Variants in RORA observed in about 807,000 individuals in gnomAD.
RORA encodes the protein nuclear receptor ROR-alpha.
A neutral mutation model predicts 69.5 loss-of-function variants in RORA; 7 were observed. The observed-to-expected ratio is 0.10, with a 90% CI of 0.06 to 0.19. The LOEUF is 0.19. Ranked by LOEUF, RORA falls within the 10% of genes least tolerant of loss-of-function variation. The pLI is 1.00. For synonymous variants in RORA, 261 were observed against 240.8 expected, an observed-to-expected ratio of 1.08 and a Z score of -0.78; for missense variants, 457 against 663.0, an observed-to-expected ratio of 0.69 and a Z score of 3.41.
chr15:60,853,315 G>A (rs947611296), intron 1 of RORA, among the ~76,000 whole-genome samples: 1 of 152,160 alleles, frequency 6.6e-6, no homozygotes, highest in Non-Finnish European at 1.5e-5. Context: ...CTTTCATAAG[G>A]TCTCAAAATG....
At chr15:60,727,622 C>T (rs1181058103) in intron 1 of RORA, among the ~76,000 whole-genome samples, 1 of 152,106 alleles carries the variant, frequency 6.6e-6, no homozygotes, top group Non-Finnish European at 1.5e-5. Context: ...GGAGGCAAAG[C>T]AACTGGGACC....
At chr15:60,887,246 A>G (rs900861233) in intron 1 of RORA, among the ~76,000 whole-genome samples, 2 of 152,216 alleles carry the variant, frequency 1.3e-5, no homozygotes, top group East Asian at 3.8e-4. Context: ...GATGTAAAGC[A>G]TATGAGATTT....
intron 1 of RORA, among the ~76,000 whole-genome samples, chr15:60,853,722 T>C (rs2073349900): frequency 6.6e-6 from 1 of 152,138 alleles, no homozygotes; most frequent in Non-Finnish European, 1.5e-5. Context: ...ACTAACTAAT[T>C]TGTTGAATTT....
At chr15:60,568,764 CTGT>C (rs1158133783) in intron 2 of RORA, among the ~76,000 whole-genome samples, 5 of 152,162 alleles carry the variant, frequency 3.3e-5, no homozygotes, top group Non-Finnish European at 7.3e-5. Flanking sequence ...AATCTAAGCA[CTGT>C]TGTTGTATTA....
At chr15:61,074,101 T>C (rs924736517) in intron 1 of RORA, among the ~76,000 whole-genome samples, 5 of 152,192 alleles carry the variant, frequency 3.3e-5, no homozygotes, top group African/African-American at 1.2e-4. Context: ...CAGGGTGTGC[T>C]TGCTATTATC....
intron 1 of RORA, among the ~76,000 whole-genome samples, chr15:60,944,694 CAAA>C (rs58523588): frequency 3.8e-4 from 37 of 96,394 alleles, no homozygotes; most frequent in African/African-American, 9.5e-4. Flanking sequence ...CACTGTACTC[CAAA>C]AAAAAAAAAA....
intron 1 of RORA, among the ~76,000 whole-genome samples, chr15:61,014,805 G>T (rs891744995): frequency 5.3e-5 from 8 of 152,144 alleles, no homozygotes; most frequent in African/African-American, 1.4e-4. Context: ...ACAAATGGGT[G>T]GTCAAAATTA....
intron 1 of RORA, among the ~76,000 whole-genome samples, chr15:61,205,243 A>G (rs1469619852): frequency 6.6e-6 from 1 of 152,216 alleles, no homozygotes; most frequent in Non-Finnish European, 1.5e-5. Flanking sequence ...GCCAATGCCA[A>G]CTTCAGCAAC....
chr15:60,944,138 G>A (rs1226461233), intron 1 of RORA, among the ~76,000 whole-genome samples: 1 of 152,060 alleles, frequency 6.6e-6, no homozygotes, highest in East Asian at 1.9e-4. Flanking sequence ...CCGAAGAACA[G>A]TAACATGCAC....
intron 1 of RORA, among the ~76,000 whole-genome samples, chr15:61,106,406 T>A (rs1190877204): frequency 6.6e-6 from 1 of 152,236 alleles, no homozygotes; most frequent in Admixed American, 6.5e-5. Flanking sequence ...ATTCATTTAA[T>A]AACCATCCGT....
At chr15:60,597,512 T>TATAC (rs1355898825) in intron 2 of RORA, among the ~76,000 whole-genome samples, 14 of 43,226 alleles carry the variant, frequency 3.2e-4, no homozygotes, top group African/African-American at 8.6e-4. Flanking sequence ...GTACAGGAGA[T>TATAC]ACACACACAC....
At chr15:60,730,281 G>T (rs1180253595) in intron 1 of RORA, among the ~76,000 whole-genome samples, 1 of 152,176 alleles carries the variant, frequency 6.6e-6, no homozygotes, top group Non-Finnish European at 1.5e-5. Context: ...GGATGTGACT[G>T]TTAGCAGCTG....
Position 60,531,305 on chromosome 15 carries a change from T to C in RORA, c.282+461A>G, listed in dbSNP as rs1460863777. The C allele has an allele frequency of 6.2e-6, 1 of 162,086 alleles. No homozygotes were observed. The highest frequency in any genetic ancestry group is 2.4e-5 in the African/African-American group (1 of 41,542). The allele number at this position is 162,086 out of a possible 1,614,324, so 10.0% of individuals were successfully genotyped here. ...TATGGACAAGTGGAGGCAATAGGAC[T>C]GGAACTCAGGTCTTCCTGATAGCTT... On this transcript the variant is annotated intron_variant, in intron 3 of 10. Coordinates refer to ENST00000335670, the MANE Select transcript of RORA (RefSeq NM_134261.3). This position sits in a 1 kb window ranked among gnomAD's most constrained non-coding sequence, Gnocchi z 4.8.
chr15:61,167,235 A>AC (rs1555416472), intron 1 of RORA, among the ~76,000 whole-genome samples: 1 of 151,538 alleles, frequency 6.6e-6, no homozygotes, highest in Non-Finnish European at 1.5e-5. Flanking sequence ...ACTTTAAAAG[A>AC]TTTTTTTTTC....
intron 2 of RORA, among the ~76,000 whole-genome samples, chr15:60,613,738 G>C (rs2069154595): frequency 7.3e-6 from 1 of 136,564 alleles, no homozygotes. Context: ...GTGTGTGTGT[G>C]TGTTAGGATT....
intron 1 of RORA, among the ~76,000 whole-genome samples, chr15:60,692,781 G>T (rs1171302530): frequency 6.6e-6 from 1 of 152,106 alleles, no homozygotes; most frequent in Non-Finnish European, 1.5e-5. Context: ...ACTTTAAAAA[G>T]AGGTTCAATC....
intron 1 of RORA, among the ~76,000 whole-genome samples, chr15:61,011,429 T>C (rs1259421021): frequency 6.6e-6 from 1 of 152,208 alleles, no homozygotes; most frequent in African/African-American, 2.4e-5. Flanking sequence ...AGTTTTGCTT[T>C]TGTTGTTTGA....
chr15:60,724,531 G>T (rs1026797040), intron 1 of RORA, among the ~76,000 whole-genome samples: 1 of 152,152 alleles, frequency 6.6e-6, no homozygotes, highest in African/African-American at 2.4e-5. Flanking sequence ...GAAGCCCATT[G>T]CTTCCTGCTC....
intron 1 of RORA, among the ~76,000 whole-genome samples, chr15:60,755,029 A>G (rs143926574): frequency 5.2e-4 from 79 of 151,032 alleles, no homozygotes; most frequent in African/African-American, 1.8e-3. Context: ...ACATGTGCAC[A>G]GTGTGCAGGT....
Sources: allele counts gnomAD v4.1 joint callset (sites outside exome capture counted in the v4.1 genomes callset), GRCh38; gene constraint gnomAD v4.1.1; non-coding constraint Gnocchi (gnomAD v3.1); transcripts MANE v1.5; gene names NCBI Gene and HGNC (gene_info 2026-07-23, HGNC 2026-07-21).